Variants in NR2F6 observed in about 807,000 individuals in gnomAD.
The protein encoded by NR2F6 is nuclear receptor subfamily 2 group F member 6, also known as ERBA-related gene-2.
A neutral mutation model predicts 26.5 loss-of-function variants in NR2F6; 16 were observed. The observed-to-expected ratio is 0.60, with a 90% confidence interval of 0.41 to 0.92. The LOEUF is 0.92. NR2F6 is among the 40% of genes least tolerant of loss of function. The pLI is 0.00. For synonymous variants in NR2F6, 325 were observed against 305.0 expected (o/e 1.07, Z -0.68); for missense variants, 536 against 631.7 (o/e 0.85, Z 1.62).
chr19:17,235,052 AGGTTGCCCTGGGAGCCCAGTG>A lies in NR2F6; in HGVS notation c.940+426_940+446del, dbSNP rs1488867061. ...GATCCCTACAACCCTGGCTACCTGGAGGTTGCCCTGGGAGCCCAGTGGGGGCCTGAGGGGGCCAGAACCAGG... is the reference window on the plus strand; with the variant it reads ...GATCCCTACAACCCTGGCTACCTGGAGGGGCCTGAGGGGGCCAGAACCAGG... On this transcript the variant is annotated intron_variant, in intron 3 of 3. Transcript: ENST00000291442. This position sits in a 1 kb window ranked among gnomAD's most constrained non-coding sequence, Gnocchi z 5.0. Among the ~76,000 whole-genome samples, 1 of 152,168 alleles carries A rather than the reference AGGTTGCCCTGGGAGCCCAGTG, an allele frequency of 6.6e-6. No homozygotes were observed. Among genetic ancestry groups the A allele is most frequent in the Non-Finnish European group, 1.5e-5 (1 of 68,020 alleles).
At chr19:17,244,030 G>A (rs1017887198) in intron 1 of NR2F6, among the ~76,000 whole-genome samples, 9 of 152,264 alleles carry the variant, frequency 5.9e-5, no homozygotes, top group Admixed American at 5.9e-4. Context: ...GGAACGGTGA[G>A]AAAAGAACTC....
At position 17,235,624 on chromosome 19, in the gene NR2F6, G is replaced by A; in HGVS notation, c.815C>T (p.Ala272Val). 1 of 1,546,882 alleles carries A rather than the reference G, an allele frequency of 6.5e-7. No individual in the cohort carries two copies. The highest frequency in any genetic ancestry group is 8.7e-7 in the Non-Finnish European group (1 of 1,155,112). Reference sequence around the variant, plus strand: ...GTCCATGAAAGCCACGGCGCGCTCGGCGGCCATAGGCGCGGCGTGGAGGCC... The same window carrying A: ...GTCCATGAAAGCCACGGCGCGCTCGACGGCCATAGGCGCGGCGTGGAGGCC... ...AAGLHAAPMA[A>V]ERAVAFMDQV... is the part of the protein sequence containing the mutation. The change falls in exon 3 of 4, where the codon GCC becomes GTC. Residue 272 changes from alanine to valine, a missense_variant. Transcript: ENST00000291442. The surrounding 1 kb of genome is among the most constrained non-coding windows in gnomAD (Gnocchi z 5.0).
chr19:17,237,475 A>G (rs2073445824), intron 2 of NR2F6, among the ~76,000 whole-genome samples: 1 of 151,184 alleles, frequency 6.6e-6, no homozygotes, highest in Non-Finnish European at 1.5e-5. Context: ...GCAGTGGCAC[A>G]ATCTCAGCTC....
Position 17,235,536 on chromosome 19 carries a change from C to T in NR2F6, c.903G>A (p.Glu301=), listed in dbSNP as rs768454633. 6.3e-7 allele frequency: 1 copy of T among 1,596,024 alleles called. No individual in the cohort carries two copies. Residue 301 remains glutamate, a synonymous_variant, in exon 3 of 4, where the codon GAG becomes GAA. Coordinates refer to ENST00000291442, the MANE Select transcript of NR2F6 (RefSeq NM_005234.4). The surrounding 1 kb of genome is among the most constrained non-coding windows in gnomAD (Gnocchi z 5.0). ...KLGRLQVDSA[E]YGCLKAIALF... is the part of the protein sequence containing the mutation. Reference sequence around the variant, plus strand: ...GCGCGATGGCCTTGAGGCAGCCATACTCGGCCGAGTCGACCTGCAGGCGGC... The same window carrying T: ...GCGCGATGGCCTTGAGGCAGCCATATTCGGCCGAGTCGACCTGCAGGCGGC...
intron 1 of NR2F6, among the ~76,000 whole-genome samples, chr19:17,243,574 A>C (rs1248142638): frequency 6.6e-6 from 1 of 151,976 alleles, no homozygotes. Context: ...ACCAGAGAGC[A>C]GGCGGTTTTC....
At chr19:17,238,780 G>A (rs2073452946) in intron 2 of NR2F6, among the ~76,000 whole-genome samples, 2 of 152,176 alleles carry the variant, frequency 1.3e-5, no homozygotes, top group Admixed American at 1.3e-4. Context: ...AAAAACAACA[G>A]CTTTACGCCA....
intron 3 of NR2F6, among the ~76,000 whole-genome samples, chr19:17,232,964 A>G (rs957362289): frequency 3.9e-5 from 6 of 152,164 alleles, no homozygotes; most frequent in African/African-American, 1.4e-4. Flanking sequence ...CCTGGCCAAC[A>G]TGATGATATT....
intron 1 of NR2F6, among the ~76,000 whole-genome samples, chr19:17,241,885 G>A (rs926712507): frequency 2.0e-5 from 3 of 152,044 alleles, no homozygotes; most frequent in Admixed American, 6.6e-5. Flanking sequence ...GCGTGGTGGC[G>A]CATGCCTGTA....
chr19:17,234,866 G>A (rs8102667), intron 3 of NR2F6, among the ~76,000 whole-genome samples: 149,673 of 152,238 alleles, frequency 0.98, 73,602 homozygotes, highest in East Asian at 1. Flanking sequence ...CTCAAAAAAT[G>A]GAAATACAAA....
intron 1 of NR2F6, among the ~76,000 whole-genome samples, chr19:17,242,991 C>A (rs1355469591): frequency 1.3e-5 from 2 of 152,208 alleles, no homozygotes; most frequent in African/African-American, 4.8e-5. Flanking sequence ...CTATGGCTCC[C>A]CATTACCCTC....
At chr19:17,240,606 G>T in intron 2 of NR2F6, 65 bp downstream of exon 2, 2 of 1,522,304 alleles carry the variant, frequency 1.3e-6, no homozygotes, top group Non-Finnish European at 9.1e-7. Context: ...GGAGGAAGAA[G>T]CTGTTTGTTC....
intron 3 of NR2F6, among the ~76,000 whole-genome samples, chr19:17,233,963 G>A (rs1161126869): frequency 2.0e-5 from 3 of 151,962 alleles, no homozygotes; most frequent in Non-Finnish European, 4.4e-5. Flanking sequence ...GGTGGCTCAC[G>A]CCTGTAATCC....
At position 17,234,719 on chromosome 19, in the gene NR2F6, G is replaced by A. The variant is rs567163873; in HGVS notation, c.940+780C>T. Among the ~76,000 whole-genome samples, 6 of 152,232 alleles carry A rather than the reference G, an allele frequency of 3.9e-5. No individual in the cohort carries two copies. The East Asian group carries it at 1.2e-3, about 29-fold the overall frequency. On this transcript the variant is annotated intron_variant, in intron 3 of 3. Coordinates refer to ENST00000291442, the MANE Select transcript of NR2F6 (RefSeq NM_005234.4). ...TTTAAAAAAAAATTAGCCGGGAATG[G>A]TGGTGCACGCCTGTGGTCCCAGCTA...
Position 17,232,447 on chromosome 19 carries a change from T to C in NR2F6, c.1120A>G (p.Met374Val), listed in dbSNP as rs780883013. The change falls in exon 4 of 4, where the codon ATG (methionine) becomes GTG (valine). Residue 374 changes from methionine to valine, a missense_variant. By Grantham distance (21) the Met-to-Val change is conservative. Coordinates refer to ENST00000291442, the MANE Select transcript of NR2F6 (RefSeq NM_005234.4). Reference protein sequence around the residue: ...PASLISQLFFMRLVGKTPIET... With the variant: ...PASLISQLFFVRLVGKTPIET... ...ATGGGCGTCTTCCCCACCAGGCGCA[T>C]GAAGAACAGCTGGGAGATGAGGGAG... is the stretch of plus-strand genomic sequence containing the variant. The C allele has an allele frequency of 1.3e-5, 21 of 1,614,084 alleles. No individual in the cohort carries two copies. The highest frequency in any genetic ancestry group is 1.6e-5 in the Non-Finnish European group (19 of 1,180,004).
chr19:17,242,612 G>C (rs930050548), intron 1 of NR2F6, among the ~76,000 whole-genome samples: 1 of 152,196 alleles, frequency 6.6e-6, no homozygotes, highest in Admixed American at 6.5e-5. Context: ...TGAGCCCCTG[G>C]GAAGAGGCCC....
At position 17,245,182 on chromosome 19, in the gene NR2F6, G is replaced by A. The variant is rs1407188733; in HGVS notation, c.39C>T (p.Gly13=). 1 of 1,387,860 alleles carries A rather than the reference G, an allele frequency of 7.2e-7. No individual in the cohort carries two copies. The highest frequency in any genetic ancestry group is 1.6e-5 in the South Asian group (1 of 62,396). 86.0% of individuals were successfully genotyped at this position (1,387,860 alleles called of 1,614,324 possible). ...CCGCCTTGTCCACGCCGTTCGTGTC[G>A]CCGCCGGGGCCGCCCCAGCCGCCGG... The part of the protein sequence containing the change: ...MVTGGWGGPG[G]DTNGVDKAGG... Residue 13 remains glycine, a synonymous_variant, in exon 1 of 4, where the codon GGC becomes GGT. Transcript: ENST00000291442. This position sits in a 1 kb window ranked among gnomAD's most constrained non-coding sequence, Gnocchi z 5.0.
At chr19:17,244,918 G>T in intron 1 of NR2F6, 25 bp downstream of exon 1, 1 of 1,555,892 alleles carries the variant, frequency 6.4e-7, no homozygotes. Context: ...GGTGCACGGC[G>T]GCGGCGCGCG....
chr19:17,241,346 C>G (rs1473969064), intron 1 of NR2F6, among the ~76,000 whole-genome samples: 1 of 151,770 alleles, frequency 6.6e-6, no homozygotes, highest in Non-Finnish European at 1.5e-5. Flanking sequence ...CAAAGTCACT[C>G]TGGTCCTCAG....
Position 17,245,207 on chromosome 19 carries a change from G to A in NR2F6, c.14C>T (p.Thr5Ile), listed in dbSNP as rs1443470470. 4 of 1,370,376 alleles carry A rather than the reference G, an allele frequency of 2.9e-6. No individual in the cohort carries two copies. Among genetic ancestry groups the A allele is most frequent in the Non-Finnish European group, 2.8e-6 (3 of 1,060,622 alleles). The allele number at this position is 1,370,376 out of a possible 1,614,324, so 84.9% of individuals were successfully genotyped here. Reference protein sequence around the residue: MAMVTGGWGGPGGDT... With the variant: MAMVIGGWGGPGGDT... ...GCCGCCGGGGCCGCCCCAGCCGCCG[G>A]TCACCATGGCCATAGCCCCAGGGCA... The change falls in exon 1 of 4, where the codon ACC becomes ATC. Residue 5 changes from threonine to isoleucine, a missense_variant. Transcript: ENST00000291442. The surrounding 1 kb of genome is among the most constrained non-coding windows in gnomAD (Gnocchi z 5.0).
Sources: gnomAD v4.1 joint callset for allele counts (sites outside exome capture counted in the v4.1 genomes callset) on GRCh38, gnomAD v4.1.1 for gene constraint, Gnocchi (gnomAD v3.1) non-coding constraint, MANE v1.5 for transcripts, NCBI Gene and HGNC (gene_info 2026-07-23, HGNC 2026-07-21) for gene names.